TMEM201: variants seen among roughly 807,000 people sequenced by gnomAD.
The protein encoded by TMEM201 is RP13-15M17.2.
A neutral mutation model predicts 63.4 loss-of-function variants in TMEM201; 26 were observed. The ratio of observed to expected loss-of-function variants is 0.41; its 90% CI spans 0.30 to 0.57. The LOEUF is 0.57. TMEM201 is among the 20% of genes least tolerant of loss of function. The pLI, the probability that TMEM201 is intolerant of heterozygous loss-of-function variation, is 0.29. For missense variants in TMEM201, 794 were observed against 917.7 expected (o/e 0.87, Z 1.74); for synonymous variants, 417 against 421.6 (o/e 0.99, Z 0.14).
Position 9,601,193 on chromosome 1 carries a change from C to T in TMEM201, c.695C>T (p.Ala232Val), listed in dbSNP as rs778159945. The T allele has an allele frequency of 8.7e-6, 14 of 1,612,894 alleles. No individual in the cohort carries two copies. The highest frequency in any genetic ancestry group is 5.0e-5 in the Admixed American group (3 of 59,994). Residue 232 changes from alanine (A) to valine (V), a missense_variant, in exon 5 of 11, where the codon GCG becomes GTG. Transcript: ENST00000340381. ...GCCTGCGCCTTCCTACTGACCACCG[C>T]GCTGTATGGGGCCAGCGGACACTTC... The part of the protein sequence containing the change: ...FLACAFLLTT[A>V]LYGASGHFAP...
In TMEM201 at chr1:9,601,435, C is replaced by A; in HGVS notation, c.937C>A (p.Leu313Met). 6.3e-7 allele frequency: 1 copy of A among 1,589,480 alleles called. No homozygotes were observed. Among genetic ancestry groups the A allele is most frequent in the South Asian group, 1.1e-5 (1 of 90,180 alleles). ...CCTACTCACCTGCCTGCTGGCAATG[C>A]TGCTGGCTGGCCGCATCAGGTGTGC... The part of the protein sequence containing the change: ...LGLLTCLLAM[L>M]LAGRIRLRRI... Residue 313 changes from leucine (L) to methionine (M), a missense_variant, in exon 5 of 11, where the codon CTG (leucine) becomes ATG (methionine). Coordinates refer to ENST00000340381, the MANE Select transcript of TMEM201 (RefSeq NM_001130924.3).
At chr1:9,593,754 G>A (rs568565272) in intron 1 of TMEM201, among the ~76,000 whole-genome samples, 1 of 152,320 alleles carries the variant, frequency 6.6e-6, no homozygotes, top group East Asian at 1.9e-4. Context: ...CAGGGTAAGA[G>A]AGCTGAGGGG....
At position 9,605,200 on chromosome 1, in the gene TMEM201, G is replaced by C. The variant is rs1023610848; in HGVS notation, c.1161-2357G>C. Among the ~76,000 whole-genome samples the C allele has an allele frequency of 6.6e-6, 1 of 152,192 alleles. No individual in the cohort carries two copies. Among genetic ancestry groups the C allele is most frequent in the Non-Finnish European group, 1.5e-5 (1 of 68,030 alleles). On this transcript the variant is annotated intron_variant, in intron 6 of 10. Transcript: ENST00000340381. The surrounding 1 kb of genome is among the most constrained non-coding windows in gnomAD (Gnocchi z 5.7). ...CTCTCTCCTTCCACTCCTGATGTGGGCTGGGATTGGGTCGGAGAAGACCAG... is the reference window on the plus strand; with the variant it reads ...CTCTCTCCTTCCACTCCTGATGTGGCCTGGGATTGGGTCGGAGAAGACCAG...
At chr1:9,611,152 C>A in intron 9 of TMEM201, 1 of 959,310 alleles carries the variant, frequency 1.0e-6, no homozygotes, top group Non-Finnish European at 1.4e-6. Flanking sequence ...TAGCCCCCAG[C>A]CTTTAAAACC....
chr1:9,589,121 C>T, intron 1 of TMEM201, 78 bp downstream of exon 1: 2 of 663,702 alleles, frequency 3.0e-6, no homozygotes, highest in Non-Finnish European at 3.7e-6. Context: ...GGCCCGCTGC[C>T]CCCCTCGGCC....
Position 9,603,060 on chromosome 1 carries a change from C to T in TMEM201, c.1160+788C>T, listed in dbSNP as rs534937379. 1 of 985,500 alleles carries T rather than the reference C, an allele frequency of 1.0e-6. No homozygotes were observed. Among genetic ancestry groups the T allele is most frequent in the Admixed American group, 6.1e-5 (1 of 16,298 alleles). The allele number at this position is 985,500 out of a possible 1,614,324, so 61.0% of individuals were successfully genotyped here. On this transcript the variant is annotated intron_variant, in intron 6 of 10. Transcript: ENST00000340381. The surrounding 1 kb of genome is among the most constrained non-coding windows in gnomAD (Gnocchi z 4.5). ...TGACCTTGGGGAATCTGAGCTTTTC[C>T]AAGGGTAAGGGGCCCAGGGTATGCA...
At position 9,604,530 on chromosome 1, in the gene TMEM201, AC is replaced by A; in HGVS notation, c.1160+2262del. The stretch of plus-strand genomic sequence containing the variant: ...GTGGCTTGTTGACCGGGAATGTGTC[AC>A]CCCTGCCAGGGAACTCTTCTCCTCG... On this transcript the variant is annotated intron_variant, in intron 6 of 10. Coordinates refer to ENST00000340381, the MANE Select transcript of TMEM201 (RefSeq NM_001130924.3). This position sits in a 1 kb window ranked among gnomAD's most constrained non-coding sequence, Gnocchi z 4.1. 2.0e-6 allele frequency: 2 copies of A among 985,364 alleles called. No homozygotes were observed. The highest frequency in any genetic ancestry group is 9.4e-5 in the South Asian group (2 of 21,284). The allele number at this position is 985,364 out of a possible 1,614,324, so 61.0% of individuals were successfully genotyped here. A position where few individuals can be genotyped will look rare whatever the true frequency, so the allele number is the denominator to read the frequency against.
chr1:9,608,812 C>T lies in TMEM201; in HGVS notation c.1393+1023C>T, dbSNP rs1644282253. Among the ~76,000 whole-genome samples, 1 of 152,178 alleles carries T rather than the reference C, an allele frequency of 6.6e-6. No homozygotes were observed. ...AAGGCTCAAGGCAGGGACACAGTAG[C>T]GACCTGTCTGAGGTAGCAGCAGAGG... On this transcript the variant is annotated intron_variant, in intron 7 of 10. Transcript: ENST00000340381. This position sits in a 1 kb window ranked among gnomAD's most constrained non-coding sequence, Gnocchi z 4.3.
Position 9,604,378 on chromosome 1 carries a change from G to C in TMEM201, c.1160+2106G>C. On this transcript the variant is annotated intron_variant, in intron 6 of 10. Coordinates refer to ENST00000340381, the MANE Select transcript of TMEM201 (RefSeq NM_001130924.3). The surrounding 1 kb of genome is among the most constrained non-coding windows in gnomAD (Gnocchi z 4.1). ...AGCTCTCAGCAGAGTGAGGATTCCT[G>C]CCTTTCGTAGAGTTTTGTGTGACTT... 2 of 985,438 alleles carry C rather than the reference G, an allele frequency of 2.0e-6. No homozygotes were observed. The highest frequency in any genetic ancestry group is 1.7e-5 in the African/African-American group (1 of 57,352). The allele number at this position is 985,438 out of a possible 1,614,324, so 61.0% of individuals were successfully genotyped here.
At chr1:9,590,694 A>G (rs370288481) in intron 1 of TMEM201, among the ~76,000 whole-genome samples, 1 of 152,184 alleles carries the variant, frequency 6.6e-6, no homozygotes, top group Non-Finnish European at 1.5e-5. Flanking sequence ...ACGGTGTGGC[A>G]TTGAGACCCT....
At chr1:9,595,459 G>C (rs892167798) in intron 1 of TMEM201, among the ~76,000 whole-genome samples, 1 of 152,076 alleles carries the variant, frequency 6.6e-6, no homozygotes, top group African/African-American at 2.4e-5. Context: ...ACCTCGTGGG[G>C]GAGGGGTGGT....
At chr1:9,593,834 G>T (rs1374262169) in intron 1 of TMEM201, among the ~76,000 whole-genome samples, 1 of 152,086 alleles carries the variant, frequency 6.6e-6, no homozygotes, top group South Asian at 2.1e-4. Flanking sequence ...GCTCAGGGGT[G>T]GGGGGTCACA....
Position 9,601,071 on chromosome 1 carries a change from G to A in TMEM201, c.607-34G>A, listed in dbSNP as rs756197214. On this transcript the variant is annotated intron_variant, in intron 4 of 10. Transcript: ENST00000340381. ...GATGGCTGGGGGTGGCTCTGTGGCC[G>A]TCTCACTAACCCGCCTCTCTTCCTC... 28 of 1,546,466 alleles carry A rather than the reference G, an allele frequency of 1.8e-5. No homozygotes were observed. The Admixed American group carries it at 2.1e-4, about 12-fold the overall frequency.
chr1:9,597,131 G>C, intron 3 of TMEM201, 78 bp downstream of exon 3: 1 of 1,489,238 alleles, frequency 6.7e-7, no homozygotes, highest in Non-Finnish European at 9.0e-7. Context: ...GGCACGTGCA[G>C]GGTGCTGACT....
chr1:9,596,266 A>G (rs1402355306), intron 2 of TMEM201, among the ~76,000 whole-genome samples: 1 of 152,188 alleles, frequency 6.6e-6, no homozygotes, highest in Admixed American at 6.5e-5. Context: ...CCAAGGTTAC[A>G]CCACTAAAAG....
intron 5 of TMEM201, 33 bp from the exon 6 acceptor site, chr1:9,602,036 T>C: frequency 6.3e-7 from 1 of 1,595,136 alleles, no homozygotes; most frequent in Non-Finnish European, 8.6e-7. Flanking sequence ...GGTCTTGTCC[T>C]CCCCTGGGGT....
Position 9,603,272 on chromosome 1 carries a change from C to T in TMEM201, c.1160+1000C>T. On this transcript the variant is annotated intron_variant, in intron 6 of 10. Coordinates refer to ENST00000340381, the MANE Select transcript of TMEM201 (RefSeq NM_001130924.3). The surrounding 1 kb of genome is among the most constrained non-coding windows in gnomAD (Gnocchi z 4.5). ...CCTGCTGTTCTCAGCCTCAGTTTGC[C>T]ATCTATGAAATGAGGTGGACCCCTC... 1 of 984,644 alleles carries T rather than the reference C, an allele frequency of 1.0e-6. No homozygotes were observed. The highest frequency in any genetic ancestry group is 1.2e-6 in the Non-Finnish European group (1 of 829,196). 61.0% of individuals were successfully genotyped at this position (984,644 alleles called of 1,614,324 possible). A position where few individuals can be genotyped will look rare whatever the true frequency, so the allele number is the denominator to read the frequency against.
At chr1:9,609,803 C>G in intron 7 of TMEM201, 37 bp from the exon 8 acceptor site, 1 of 1,541,730 alleles carries the variant, frequency 6.5e-7, no homozygotes. Flanking sequence ...ACGTCATCCA[C>G]AGGCCTGACG....
In TMEM201 at chr1:9,604,112, C is replaced by T. The variant is rs1472009416; in HGVS notation, c.1160+1840C>T. The T allele has an allele frequency of 3.0e-6, 3 of 985,328 alleles. No individual in the cohort carries two copies. The highest frequency in any genetic ancestry group is 5.2e-4 in the Middle Eastern group (1 of 1,936). The allele number at this position is 985,328 out of a possible 1,614,324, so 61.0% of individuals were successfully genotyped here. On this transcript the variant is annotated intron_variant, in intron 6 of 10. Coordinates refer to ENST00000340381, the MANE Select transcript of TMEM201 (RefSeq NM_001130924.3). The surrounding 1 kb of genome is among the most constrained non-coding windows in gnomAD (Gnocchi z 4.1). ...GAGCCAGGACGGGAAAGCGTCCTGTCGGCTGGCCATGCTGTTGCTTGCGTC... is the reference window on the plus strand; with the variant it reads ...GAGCCAGGACGGGAAAGCGTCCTGTTGGCTGGCCATGCTGTTGCTTGCGTC...
Sources: allele counts gnomAD v4.1 joint callset (sites outside exome capture counted in the v4.1 genomes callset), GRCh38; gene constraint gnomAD v4.1.1; non-coding constraint Gnocchi (gnomAD v3.1); transcripts MANE v1.5; gene names NCBI Gene and HGNC (gene_info 2026-07-23, HGNC 2026-07-21).